Variants in IGSF5 observed in about 807,000 individuals in gnomAD.
IGSF5 encodes the protein immunoglobulin superfamily member 5.
Under a neutral mutation model 39.4 loss-of-function variants are expected in IGSF5, and 41 were observed. The ratio of observed to expected loss-of-function variants is 1.04; its 90% CI spans 0.81 to 1.35. The LOEUF (loss-of-function observed/expected upper bound fraction) is 1.35, where lower values mean the gene tolerates loss of function less well. Among genes scored for constraint, IGSF5 ranks in the 40% most tolerant of loss-of-function variants. The pLI, the probability that IGSF5 is intolerant of heterozygous loss-of-function variation, is 0.00. For missense variants in IGSF5, 487 were observed against 494.6 expected (o/e 0.98, Z 0.15); for synonymous variants, 183 against 175.3 (o/e 1.04, Z -0.34).
intron 6 of IGSF5, among the ~76,000 whole-genome samples, chr21:39,791,197 T>C (rs2086962815): frequency 6.6e-6 from 1 of 152,188 alleles, no homozygotes; most frequent in Non-Finnish European, 1.5e-5. Flanking sequence ...GTGTGAGAGC[T>C]CTCATATGTA....
chr21:39,727,362 A>G, the IGSF5 span, among the ~76,000 whole-genome samples: 1 of 152,190 alleles, frequency 6.6e-6, no homozygotes, highest in East Asian at 1.9e-4. Context: ...ATCAGGGGAC[A>G]GATAATTCCA....
At chr21:39,786,268 A>G (rs912218018) in intron 5 of IGSF5, among the ~76,000 whole-genome samples, 1 of 152,090 alleles carries the variant, frequency 6.6e-6, no homozygotes, top group African/African-American at 2.4e-5. Context: ...CAAGAAAAAA[A>G]CAAACAACCC....
the IGSF5 span, among the ~76,000 whole-genome samples, chr21:39,726,953 T>C: frequency 6.6e-6 from 1 of 152,122 alleles, no homozygotes; most frequent in Non-Finnish European, 1.5e-5. Context: ...GGAAAGGCCA[T>C]TGATGGCTCA....
chr21:39,738,877 G>T, the IGSF5 span, among the ~76,000 whole-genome samples: 6 of 150,236 alleles, frequency 4.0e-5, no homozygotes, highest in South Asian at 4.2e-4. The surrounding 1 kb of genome is among the most constrained non-coding windows in gnomAD (Gnocchi z 6.4). Context: ...TGGCAGATAC[G>T]AGGAGGGCAG....
At chr21:39,771,443 C>T (rs2080114575) in intron 4 of IGSF5, among the ~76,000 whole-genome samples, 1 of 152,010 alleles carries the variant, frequency 6.6e-6, no homozygotes, top group Non-Finnish European at 1.5e-5. Flanking sequence ...ATTTGAAAAC[C>T]ATTTAGAATC....
chr21:39,738,921 T>C, the IGSF5 span, among the ~76,000 whole-genome samples: 1 of 151,848 alleles, frequency 6.6e-6, no homozygotes, highest in Admixed American at 6.6e-5. The surrounding 1 kb of genome is among the most constrained non-coding windows in gnomAD (Gnocchi z 6.4). Flanking sequence ...AGGATCTCAC[T>C]CTTCTCACCT....
intron 8 of IGSF5, among the ~76,000 whole-genome samples, chr21:39,793,867 T>G (rs1403102566): frequency 6.6e-6 from 1 of 152,136 alleles, no homozygotes; most frequent in Non-Finnish European, 1.5e-5. Flanking sequence ...TTTGGGAGGA[T>G]GCGACTTGAT....
chr21:39,797,944 A>G (rs549911933), intron 8 of IGSF5, among the ~76,000 whole-genome samples: 1 of 151,912 alleles, frequency 6.6e-6, no homozygotes, highest in Admixed American at 6.5e-5. Context: ...AAATAATTTC[A>G]TATCAAACTG....
chr21:39,742,093 C>A (rs1360338430), upstream of IGSF5, among the ~76,000 whole-genome samples: 1 of 151,630 alleles, frequency 6.6e-6, no homozygotes, highest in Admixed American at 6.6e-5. Flanking sequence ...ACAAAATGGG[C>A]ATTCTTTGCT....
chr21:39,781,119 C>T (rs1571712), intron 5 of IGSF5, among the ~76,000 whole-genome samples: 90,618 of 151,994 alleles, frequency 0.6, 29,436 homozygotes, highest in Non-Finnish European at 0.72. Flanking sequence ...CTTAGTTCCT[C>T]GATGAATTTG....
intron 5 of IGSF5, among the ~76,000 whole-genome samples, chr21:39,784,726 A>T (rs1191063013): frequency 6.6e-6 from 1 of 151,824 alleles, no homozygotes; most frequent in Non-Finnish European, 1.5e-5. Context: ...AAATTATGCT[A>T]TACCTTTACA....
intron 3 of IGSF5, among the ~76,000 whole-genome samples, chr21:39,768,852 C>A (rs2080099560): frequency 6.6e-6 from 1 of 152,156 alleles, no homozygotes; most frequent in South Asian, 2.1e-4. Flanking sequence ...TCTTTCAGAG[C>A]CGACCCAGTT....
intron 5 of IGSF5, among the ~76,000 whole-genome samples, chr21:39,784,389 T>C (rs1235234690): frequency 2.6e-5 from 4 of 152,214 alleles, no homozygotes; most frequent in Non-Finnish European, 5.9e-5. Context: ...GTCTGTTCTA[T>C]ACTCATCTCA....
At chr21:39,717,059 G>A in the IGSF5 span, among the ~76,000 whole-genome samples, 7 of 152,086 alleles carry the variant, frequency 4.6e-5, no homozygotes, top group Non-Finnish European at 1.0e-4. Context: ...GTGTGAGATG[G>A]TATCTCACTG....
chr21:39,717,845 G>T, the IGSF5 span, among the ~76,000 whole-genome samples: 1 of 152,022 alleles, frequency 6.6e-6, no homozygotes, highest in South Asian at 2.1e-4. Flanking sequence ...TTCCATATAA[G>T]TTTTAAAATA....
chr21:39,721,755 T>G, the IGSF5 span, among the ~76,000 whole-genome samples: 1 of 151,228 alleles, frequency 6.6e-6, no homozygotes, highest in Admixed American at 6.6e-5. Flanking sequence ...TTTTTCCATT[T>G]ATCCTTTCTT....
intron 2 of IGSF5, among the ~76,000 whole-genome samples, chr21:39,764,504 T>C (rs952152007): frequency 1.3e-5 from 2 of 152,184 alleles, no homozygotes; most frequent in Admixed American, 1.3e-4. Context: ...CACGCCTGGC[T>C]AATTTTTGTA....
chr21:39,768,092 GT>G (rs1360963806), intron 3 of IGSF5, among the ~76,000 whole-genome samples: 1 of 152,214 alleles, frequency 6.6e-6, no homozygotes, highest in Non-Finnish European at 1.5e-5. Flanking sequence ...AATTATGGTA[GT>G]TTTTGGTTTT....
chr21:39,734,807 G>A, the IGSF5 span, among the ~76,000 whole-genome samples: 23 of 152,102 alleles, frequency 1.5e-4, no homozygotes, highest in Non-Finnish European at 2.8e-4. Context: ...CTGATAGGAA[G>A]CAAAGGTTTC....
Sources: gnomAD v4.1 joint callset for allele counts (sites outside exome capture counted in the v4.1 genomes callset) on GRCh38, gnomAD v4.1.1 for gene constraint, Gnocchi (gnomAD v3.1) non-coding constraint, MANE v1.5 for transcripts, NCBI Gene and HGNC (gene_info 2026-07-23, HGNC 2026-07-21) for gene names.